DOCK5: variants seen among roughly 807,000 people sequenced by gnomAD.
DOCK5 encodes the protein dedicator of cytokinesis 5, also known as dedicator of cytokinesis protein 5.
DOCK5 carries 142 observed loss-of-function variants against 251.8 expected under a neutral mutation model. That is an observed-to-expected ratio of 0.56 (90% CI 0.49 to 0.65). The LOEUF (loss-of-function observed/expected upper bound fraction) is 0.65, where lower values mean the gene tolerates loss of function less well. Among genes scored for constraint, DOCK5 ranks in the 30% least tolerant of loss-of-function variants. The pLI, the probability that DOCK5 is intolerant of heterozygous loss-of-function variation, is 0.00. For synonymous variants in DOCK5, 842 were observed against 835.5 expected, an observed-to-expected ratio of 1.01 and a Z score of -0.13; for missense variants, 2,111 against 2,312.3, an observed-to-expected ratio of 0.91 and a Z score of 1.79.
intron 2 of DOCK5, among the ~76,000 whole-genome samples, chr8:25,245,541 CTTT>C (rs572702332): frequency 3.8e-5 from 5 of 132,350 alleles, no homozygotes; most frequent in Admixed American, 7.6e-5. Context: ...GTGCAAAGTT[CTTT>C]TTTTTTTTTT....
At position 25,184,792 on chromosome 8, in the gene DOCK5, G is replaced by A. The variant is rs1801385267; in HGVS notation, c.-117G>A. The A allele has an allele frequency of 9.7e-7, 1 of 1,032,626 alleles. No homozygotes were observed. Among genetic ancestry groups the A allele is most frequent in the Non-Finnish European group, 1.2e-6 (1 of 806,858 alleles). 64.0% of individuals were successfully genotyped at this position (1,032,626 alleles called of 1,614,324 possible). A position where few individuals can be genotyped will look rare whatever the true frequency, so the allele number is the denominator to read the frequency against. On this transcript the variant is annotated 5_prime_UTR_variant, in exon 1 of 52. Transcript: ENST00000276440. ...GAGGCGGCCCGCGGAGTCCAGCGAA[G>A]TTTGGCGGAACATGGCGGAAGCGTC...
intron 12 of DOCK5, among the ~76,000 whole-genome samples, chr8:25,309,542 T>C (rs753456761): frequency 5.3e-5 from 8 of 152,196 alleles, no homozygotes; most frequent in Non-Finnish European, 1.2e-4. Flanking sequence ...TTATGCTCTA[T>C]TCTGAATAAG....
At chr8:25,353,292 A>G (rs1029124169) in intron 27 of DOCK5, among the ~76,000 whole-genome samples, 2 of 152,152 alleles carry the variant, frequency 1.3e-5, no homozygotes, top group African/African-American at 4.8e-5. Flanking sequence ...ATGAGCTATG[A>G]TCTCGCCATT....
intron 26 of DOCK5, among the ~76,000 whole-genome samples, chr8:25,347,549 A>T (rs1455821686): frequency 6.6e-6 from 1 of 152,220 alleles, no homozygotes; most frequent in Non-Finnish European, 1.5e-5. Flanking sequence ...ATACTTTTTT[A>T]AAAGTAACTC....
intron 37 of DOCK5, chr8:25,376,121 G>C: frequency 1.3e-6 from 1 of 758,214 alleles, no homozygotes; most frequent in Non-Finnish European, 1.5e-6. Context: ...AAAAAAAAAA[G>C]CAACCTACTG....
intron 7 of DOCK5, among the ~76,000 whole-genome samples, chr8:25,298,531 A>G (rs1255419280): frequency 6.6e-6 from 1 of 152,186 alleles, no homozygotes; most frequent in Admixed American, 6.5e-5. Context: ...GTCCACTTAC[A>G]TACACTTTTT....
chr8:25,252,978 C>T (rs1456840628), intron 2 of DOCK5, among the ~76,000 whole-genome samples: 8 of 152,126 alleles, frequency 5.3e-5, no homozygotes, highest in African/African-American at 1.4e-4. Flanking sequence ...ATTACAGGCA[C>T]GTGCCACCAC....
At chr8:25,305,795 A>C (rs1054559711) in intron 11 of DOCK5, among the ~76,000 whole-genome samples, 95 of 152,274 alleles carry the variant, frequency 6.2e-4, no homozygotes, top group African/African-American at 2.2e-3. Flanking sequence ...GAGAATATGA[A>C]TTGTTACAAT....
chr8:25,195,251 CTTTTTTTTTTTT>C (rs59704416), intron 1 of DOCK5, among the ~76,000 whole-genome samples: 3 of 106,212 alleles, frequency 2.8e-5, no homozygotes, highest in African/African-American at 1.3e-4. Flanking sequence ...CTCCTTATCA[CTTTTTTTTTTTT>C]TTTTTTTTTT....
chr8:25,355,224 A>G (rs1028597846), intron 27 of DOCK5, among the ~76,000 whole-genome samples: 17 of 152,094 alleles, frequency 1.1e-4, no homozygotes, highest in African/African-American at 3.9e-4. Context: ...ACAGAATGAG[A>G]ACCTGTCTCT....
rs185703435 is a variant in DOCK5 at position 25,203,825 on chromosome 8, G to A, written c.43+18874G>A. ...TTACTTTTGGTTTAATGTCTTTTAGGACTTGAGGTACAAAATCCCATGTTG... is the reference window on the plus strand; with the variant it reads ...TTACTTTTGGTTTAATGTCTTTTAGAACTTGAGGTACAAAATCCCATGTTG... On this transcript the variant is annotated intron_variant, in intron 1 of 51. Coordinates refer to ENST00000276440, the MANE Select transcript of DOCK5 (RefSeq NM_024940.8). 2.5e-3 allele frequency among the ~76,000 whole-genome samples: 387 copies of A among 152,224 alleles called. 2 individuals carry two copies. The highest frequency in any genetic ancestry group is 8.9e-3 in the African/African-American group (368 of 41,538).
At chr8:25,388,795 G>A (rs532865442) in intron 40 of DOCK5, 19 of 275,800 alleles carry the variant, frequency 6.9e-5, no homozygotes, top group African/African-American at 2.1e-4. Context: ...CACAAGTTCC[G>A]TATTTCCTTG....
At chr8:25,195,538 A>G (rs2117449137) in intron 1 of DOCK5, among the ~76,000 whole-genome samples, 1 of 152,224 alleles carries the variant, frequency 6.6e-6, no homozygotes, top group South Asian at 2.1e-4. Flanking sequence ...TCCCTTCTGC[A>G]TTCCAGCCAC....
intron 2 of DOCK5, among the ~76,000 whole-genome samples, chr8:25,259,486 T>G (rs1395703158): frequency 6.6e-6 from 1 of 152,182 alleles, no homozygotes; most frequent in Non-Finnish European, 1.5e-5. Flanking sequence ...GAGGCAGTCT[T>G]GCTCTATCAC....
chr8:25,224,207 C>T (rs916600723), intron 1 of DOCK5, among the ~76,000 whole-genome samples: 1 of 152,178 alleles, frequency 6.6e-6, no homozygotes. Flanking sequence ...CAACCTCCGC[C>T]TCCCGAGTTC....
intron 3 of DOCK5, among the ~76,000 whole-genome samples, chr8:25,271,835 G>C (rs1289641595): frequency 3.9e-5 from 6 of 152,158 alleles, no homozygotes; most frequent in African/African-American, 7.2e-5. Context: ...CTGACTTTCT[G>C]TGTGTCATCA....
chr8:25,288,085 C>T (rs534224858), intron 5 of DOCK5, among the ~76,000 whole-genome samples: 7 of 152,146 alleles, frequency 4.6e-5, no homozygotes, highest in East Asian at 1.9e-4. Context: ...GGGGTTTCAC[C>T]GTGTTGGTCA....
Position 25,377,316 on chromosome 8 carries a change from G to T in DOCK5, c.3828G>T (p.Lys1276Asn). Residue 1276 changes from lysine to asparagine, a missense_variant, in exon 38 of 52, where the codon AAG becomes AAT. Physicochemically the swap from Lys to Asn is moderately conservative, Grantham distance 94 (BLOSUM62 0). Transcript: ENST00000276440. Reference sequence around the variant, plus strand: ...TTCTTCCTTTTCAGTGGTCTGACAAGCCCTGTGTGCCTCATTTGCTTCAGA... The same window carrying T: ...TTCTTCCTTTTCAGTGGTCTGACAATCCCTGTGTGCCTCATTTGCTTCAGA... ...LHAELLQWSD[K>N]PCVPHLLQKD... 1 of 1,612,852 alleles carries T rather than the reference G, an allele frequency of 6.2e-7. No homozygotes were observed.
At chr8:25,364,434 T>G (rs545313482) in intron 29 of DOCK5, among the ~76,000 whole-genome samples, 192 bp from the exon 30 acceptor site, 1 of 152,304 alleles carries the variant, frequency 6.6e-6, no homozygotes, top group African/African-American at 2.4e-5. Context: ...GCTCTTCTTG[T>G]TTGTTCTGTA....
Sources: gnomAD v4.1 joint callset for allele counts (sites outside exome capture counted in the v4.1 genomes callset) on GRCh38, gnomAD v4.1.1 for gene constraint, MANE v1.5 for transcripts, NCBI Gene and HGNC (gene_info 2026-07-23, HGNC 2026-07-21) for gene names.